DOCK3: variants seen among roughly 807,000 people sequenced by gnomAD.
The protein encoded by DOCK3 is dedicator of cytokinesis 3.
Under a neutral mutation model 265.6 loss-of-function variants are expected in DOCK3, and 60 were observed. The observed-to-expected ratio is 0.23, with a 90% confidence interval of 0.18 to 0.28. The LOEUF is 0.28. Ranked by LOEUF, DOCK3 falls within the 10% of genes least tolerant of loss-of-function variation. The probability of loss-of-function intolerance (pLI) is 1.00; values close to 1 mark genes in which losing one functional copy is unlikely to be tolerated. For synonymous variants in DOCK3, 881 were observed against 938.0 expected (o/e 0.94, Z 1.11); for missense variants, 1,981 against 2,594.3 (o/e 0.76, Z 5.14).
intron 5 of DOCK3, among the ~76,000 whole-genome samples, chr3:50,993,381 C>T (rs772065268): frequency 6.6e-6 from 1 of 152,162 alleles, no homozygotes; most frequent in Non-Finnish European, 1.5e-5. Context: ...TTTTCAGAAG[C>T]TGAAGTTTTA....
chr3:51,248,561 C>T (rs1169163358), intron 22 of DOCK3, among the ~76,000 whole-genome samples: 8 of 151,552 alleles, frequency 5.3e-5, no homozygotes, highest in Admixed American at 2.6e-4. Flanking sequence ...ACCTCCCAGC[C>T]GCCTGCCTTG....
chr3:50,972,140 C>T lies in DOCK3; in HGVS notation c.315+38063C>T, dbSNP rs549512513. ...ACTTCCTCCCTCATCCCAAAGCACA[C>T]AGCTCTGTGGTTGTCCTGCTCTTCA... On this transcript the variant is annotated intron_variant, in intron 5 of 52. Coordinates refer to ENST00000266037, the MANE Select transcript of DOCK3 (RefSeq NM_004947.5). 1.1e-4 allele frequency among the ~76,000 whole-genome samples: 17 copies of T among 152,370 alleles called. 1 individual carries two copies. In the South Asian group the frequency reaches 3.3e-3, roughly 30 times the overall value.
chr3:50,813,833 A>G (rs1042187634), intron 2 of DOCK3, among the ~76,000 whole-genome samples: 3 of 152,246 alleles, frequency 2.0e-5, no homozygotes, highest in African/African-American at 4.8e-5. Flanking sequence ...AAACCTAAGT[A>G]TGCAGAATAC....
chr3:50,770,366 A>G (rs1469158169), intron 1 of DOCK3, among the ~76,000 whole-genome samples: 1 of 152,132 alleles, frequency 6.6e-6, no homozygotes, highest in East Asian at 1.9e-4. Flanking sequence ...ATAAAATTAA[A>G]TAGTTAAGAA....
intron 5 of DOCK3, among the ~76,000 whole-genome samples, chr3:51,052,250 A>G (rs969045436): frequency 2.6e-5 from 4 of 152,142 alleles, no homozygotes; most frequent in African/African-American, 4.8e-5. Context: ...TCATGCCCGT[A>G]ATCCCAGCAC....
At chr3:51,071,023 G>A (rs960015286) in intron 6 of DOCK3, among the ~76,000 whole-genome samples, 62 of 151,970 alleles carry the variant, frequency 4.1e-4, no homozygotes, top group Admixed American at 3.9e-3. Context: ...AAAAGATTGG[G>A]GACCACTGCC....
intron 37 of DOCK3, 60 bp downstream of exon 37, chr3:51,339,088 C>T: frequency 7.2e-7 from 1 of 1,394,636 alleles, no homozygotes; most frequent in South Asian, 1.5e-5. Context: ...GGGATTTGTA[C>T]AATAGGCAGA....
intron 5 of DOCK3, among the ~76,000 whole-genome samples, chr3:51,033,691 CTGT>C (rs2080142018): frequency 6.6e-6 from 1 of 152,006 alleles, no homozygotes; most frequent in African/African-American, 2.4e-5. Context: ...GTGGTGTTGG[CTGT>C]TGTTTGTGCA....
chr3:51,304,715 C>G (rs2082556832), intron 27 of DOCK3, among the ~76,000 whole-genome samples: 1 of 152,178 alleles, frequency 6.6e-6, no homozygotes, highest in Admixed American at 6.5e-5. Context: ...TGGTGGGGGG[C>G]CCCCTTACCC....
intron 4 of DOCK3, 121 bp from the exon 5 acceptor site, chr3:50,933,860 T>C: frequency 1.7e-6 from 1 of 598,042 alleles, no homozygotes. Flanking sequence ...CAATTAGATA[T>C]ACTTCTTTTT....
chr3:51,271,510 G>A (rs145146324), intron 24 of DOCK3, among the ~76,000 whole-genome samples: 107 of 152,108 alleles, frequency 7.0e-4, no homozygotes, highest in Non-Finnish European at 1.3e-3. Context: ...CTGCCTCCAG[G>A]CCCACAGCTT....
At chr3:50,754,779 G>A (rs1483572344) in intron 1 of DOCK3, among the ~76,000 whole-genome samples, 4 of 151,852 alleles carry the variant, frequency 2.6e-5, no homozygotes, top group East Asian at 1.9e-4. Context: ...GGCTGGTCTC[G>A]AACTCCTGAC....
At chr3:50,943,512 A>G (rs2076350181) in intron 5 of DOCK3, among the ~76,000 whole-genome samples, 1 of 152,126 alleles carries the variant, frequency 6.6e-6, no homozygotes, top group Non-Finnish European at 1.5e-5. Context: ...AATGATTAAG[A>G]CAATGTACCA....
At chr3:50,831,114 G>T (rs1472065366) in intron 2 of DOCK3, among the ~76,000 whole-genome samples, 2 of 152,010 alleles carry the variant, frequency 1.3e-5, no homozygotes, top group African/African-American at 2.4e-5. Flanking sequence ...GAGCAATGAG[G>T]ACAACCAGAG....
intron 6 of DOCK3, among the ~76,000 whole-genome samples, chr3:51,067,456 T>TGTGTGC (rs1553750450): frequency 0.013 from 1,926 of 150,300 alleles, 57 homozygotes; most frequent in African/African-American, 0.042. Flanking sequence ...TGTGTGTGTG[T>TGTGTGC]GCGCGCGCGT....
intron 12 of DOCK3, among the ~76,000 whole-genome samples, chr3:51,191,121 C>G (rs1241877820): frequency 6.6e-6 from 1 of 151,916 alleles, no homozygotes. Flanking sequence ...TCGAAACTGT[C>G]CCAGGCTATA....
chr3:50,819,544 C>G (rs1351997672), intron 2 of DOCK3, among the ~76,000 whole-genome samples: 5 of 152,192 alleles, frequency 3.3e-5, no homozygotes, highest in Non-Finnish European at 5.9e-5. Flanking sequence ...AGAAGCCAGT[C>G]AAAGCTCACC....
chr3:50,702,141 G>A (rs2036081561), intron 1 of DOCK3, among the ~76,000 whole-genome samples: 1 of 152,176 alleles, frequency 6.6e-6, no homozygotes, highest in Non-Finnish European at 1.5e-5. Flanking sequence ...CATTGAATCT[G>A]TAGATTTCTT....
At chr3:51,162,958 TTCAAGCAGACTA>T (rs2086209314) in intron 12 of DOCK3, among the ~76,000 whole-genome samples, 1 of 152,212 alleles carries the variant, frequency 6.6e-6, no homozygotes, top group Non-Finnish European at 1.5e-5. Context: ...TTAACAGACT[TTCAAGCAGACTA>T]TCAAATGCAT....
Sources: allele counts gnomAD v4.1 joint callset (sites outside exome capture counted in the v4.1 genomes callset), GRCh38; gene constraint gnomAD v4.1.1; transcripts MANE v1.5; gene names NCBI Gene and HGNC (gene_info 2026-07-23, HGNC 2026-07-21).